The following PM20D2 variants were observed in gnomAD, a reference collection of about 807,000 sequenced individuals.
PM20D2 encodes the protein peptidase M20 domain containing 2.
Under a neutral mutation model 42.9 loss-of-function variants are expected in PM20D2, and 33 were observed. The observed-to-expected ratio is 0.77, with a 90% confidence interval of 0.58 to 1.03. PM20D2 has a LOEUF of 1.03. Among genes scored for constraint, PM20D2 ranks in the 50% least tolerant of loss-of-function variants. PM20D2 has a pLI of 0.00. For synonymous variants in PM20D2, 250 were observed against 228.2 expected (o/e 1.10, Z -0.86); for missense variants, 548 against 557.0 (o/e 0.98, Z 0.16).
the PM20D2 span, chr6:89,117,832 T>C: frequency 1.5e-5 from 24 of 1,557,820 alleles, no homozygotes; most frequent in Non-Finnish European, 2.0e-5. Context: ...CCTGGTGGCG[T>C]CCGCGACGTT....
In PM20D2 at chr6:89,146,432, C is replaced by T. The variant is rs925490777; in HGVS notation, c.288C>T (p.Ala96=). Residue 96 remains alanine, a synonymous_variant, in exon 1 of 7, where the codon GCC becomes GCT. Transcript: ENST00000275072. ...GCGCCGAGTGGGAGCCGCCGGAGGCCCGGGCACCGAGCGCCACGCCACGCC... is the reference window on the plus strand; with the variant it reads ...GCGCCGAGTGGGAGCCGCCGGAGGCTCGGGCACCGAGCGCCACGCCACGCC... ...AFRAEWEPPE[A]RAPSATPRPL... The T allele has an allele frequency of 2.0e-6, 3 of 1,524,108 alleles. No homozygotes were observed. Among genetic ancestry groups the T allele is most frequent in the Non-Finnish European group, 2.6e-6 (3 of 1,142,968 alleles). 94.4% of individuals were successfully genotyped at this position (1,524,108 alleles called of 1,614,324 possible).
chr6:89,152,972 T>G (rs1371087154), intron 2 of PM20D2, 71 bp from the exon 3 acceptor site: 1 of 1,321,324 alleles, frequency 7.6e-7, no homozygotes, highest in East Asian at 2.5e-5. Context: ...GTTGGGTAAT[T>G]CTGACTACCT....
the PM20D2 span, among the ~76,000 whole-genome samples, chr6:89,111,109 CTTT>C: frequency 1.7e-5 from 2 of 120,716 alleles, no homozygotes; most frequent in Non-Finnish European, 1.6e-5. Context: ...TGAGACTTGT[CTTT>C]TTTTTTTTTT....
the PM20D2 span, among the ~76,000 whole-genome samples, chr6:89,107,739 C>CA: frequency 6.0e-5 from 9 of 149,238 alleles, no homozygotes; most frequent in Non-Finnish European, 8.9e-5. Context: ...GACCCTGTCT[C>CA]AAAAAAAAAG....
In PM20D2 at chr6:89,162,174, G is replaced by A. The variant is rs769084743; in HGVS notation, c.1222G>A (p.Val408Ile). The A allele has an allele frequency of 6.9e-5, 112 of 1,614,110 alleles. No individual in the cohort carries two copies. The Middle Eastern group carries it at 2.1e-3, about 31-fold the overall frequency. ...AKALAMTALD[V>I]IFKPELLEGI... is the part of the protein sequence containing the mutation. ...AGCTCTGGCAATGACGGCACTGGAT[G>A]TTATTTTTAAACCAGAGTTACTGGA... is the stretch of plus-strand genomic sequence containing the variant. Residue 408 changes from valine to isoleucine, a missense_variant, in exon 7 of 7, where the codon GTT (valine) becomes ATT (isoleucine). Val to Ile is a conservative substitution (Grantham distance 29, BLOSUM62 3). Coordinates refer to ENST00000275072, the MANE Select transcript of PM20D2 (RefSeq NM_001010853.3).
At chr6:89,106,573 A>C in the PM20D2 span, 3 of 160,320 alleles carry the variant, frequency 1.9e-5, no homozygotes, top group Non-Finnish European at 2.8e-5. Flanking sequence ...GAAATTAGCT[A>C]TATAAAAATA....
At chr6:89,119,530 A>G in the PM20D2 span, among the ~76,000 whole-genome samples, 3 of 152,238 alleles carry the variant, frequency 2.0e-5, no homozygotes, top group African/African-American at 7.2e-5. Context: ...TCATAATACA[A>G]AAGCTTAGAA....
intron 4 of PM20D2, among the ~76,000 whole-genome samples, chr6:89,156,633 G>A (rs1771057751): frequency 6.6e-6 from 1 of 152,186 alleles, no homozygotes; most frequent in Non-Finnish European, 1.5e-5. Context: ...AGGATCAGAG[G>A]TGGGAAAGAG....
Position 89,154,879 on chromosome 6 carries a change from G to A in PM20D2, c.889G>A (p.Ala297Thr), listed in dbSNP as rs919779558. The change falls in exon 4 of 7, where the codon GCA (alanine) becomes ACA (threonine). Residue 297 changes from alanine (A) to threonine (T), a missense_variant. This residue lies in a region of PM20D2 where 470 missense variants were observed against 464.4 expected (regional missense o/e 1.01). Transcript: ENST00000275072. The stretch of plus-strand genomic sequence containing the variant: ...AAAGGCAGAAGATTGCTTCAGAGCT[G>A]CAGCTTTGGCTTCAGGGTGCACAGT... ...TKKAEDCFRA[A>T]ALASGCTVEI... 19 of 1,602,678 alleles carry A rather than the reference G, an allele frequency of 1.2e-5. No individual in the cohort carries two copies. The highest frequency in any genetic ancestry group is 1.6e-5 in the Non-Finnish European group (19 of 1,175,972).
chr6:89,161,140 T>G lies in PM20D2; in HGVS notation c.1049-643T>G, dbSNP rs554229263. ...ATTCTGAGATATTTGGCAGGTACTG[T>G]TGATAGGTGGAGTGGAGGTAGAAGA... On this transcript the variant is annotated intron_variant, in intron 5 of 6. Transcript: ENST00000275072. Among the ~76,000 whole-genome samples, 11 of 152,252 alleles carry G rather than the reference T, an allele frequency of 7.2e-5. No individual in the cohort carries two copies. The South Asian group carries it at 2.1e-3, about 29-fold the overall frequency.
rs1771310554 is a variant in PM20D2, at chr6:89,163,384, A to T, written c.*1121A>T. 1 of 152,218 alleles carries T rather than the reference A, an allele frequency of 6.6e-6. No individual in the cohort carries two copies. The highest frequency in any genetic ancestry group is 1.5e-5 in the Non-Finnish European group (1 of 68,046). 9.4% of individuals were successfully genotyped at this position (152,218 alleles called of 1,614,324 possible). A position where few individuals can be genotyped will look rare whatever the true frequency, so the allele number is the denominator to read the frequency against. On this transcript the variant is annotated 3_prime_UTR_variant, in exon 7 of 7. Coordinates refer to ENST00000275072, the MANE Select transcript of PM20D2 (RefSeq NM_001010853.3). ...CATAATAGAGACAGGGGCTCGCTGT[A>T]GCTTCCAGGCTGGCCTCAAACTCCT...
chr6:89,104,985 G>T, the PM20D2 span: 2 of 828,410 alleles, frequency 2.4e-6, no homozygotes, highest in African/African-American at 1.7e-5. Flanking sequence ...GAGTCTAGGA[G>T]GTCAAGTCTA....
the PM20D2 span, among the ~76,000 whole-genome samples, chr6:89,102,061 T>C: frequency 2.0e-5 from 3 of 151,784 alleles, no homozygotes; most frequent in Non-Finnish European, 2.9e-5. Flanking sequence ...TGATACTAGA[T>C]AGTAACATTG....
chr6:89,138,241 A>G, the PM20D2 span, among the ~76,000 whole-genome samples: 1 of 152,032 alleles, frequency 6.6e-6, no homozygotes. Context: ...TTTCAAAGCA[A>G]CATGATAGAA....
At chr6:89,109,928 A>G in the PM20D2 span, among the ~76,000 whole-genome samples, 1 of 152,070 alleles carries the variant, frequency 6.6e-6, no homozygotes, top group East Asian at 1.9e-4. Context: ...CATCTCTACT[A>G]AAAATACAAA....
At chr6:89,126,529 C>T in the PM20D2 span, among the ~76,000 whole-genome samples, 2 of 151,420 alleles carry the variant, frequency 1.3e-5, no homozygotes, top group Non-Finnish European at 2.9e-5. Flanking sequence ...ACTAAAAATA[C>T]AAAAATTAGC....
the PM20D2 span, among the ~76,000 whole-genome samples, chr6:89,116,534 G>A: frequency 6.6e-6 from 1 of 152,094 alleles, no homozygotes. Flanking sequence ...CAGCGCTTTG[G>A]GAGGCCGAGC....
Position 89,162,129 on chromosome 6 carries a change from T to A in PM20D2, c.1177T>A (p.Tyr393Asn), listed in dbSNP as rs143115350. 362 of 1,613,708 alleles carry A rather than the reference T, an allele frequency of 2.2e-4. 5 individuals are homozygous for A. In the South Asian group the frequency reaches 3.8e-3, roughly 17 times the overall value. The change falls in exon 7 of 7, where the codon TAC becomes AAC. Residue 393 changes from tyrosine to asparagine, a missense_variant. This residue lies in a region of PM20D2 where 71 missense variants were observed against 69.7 expected (regional missense o/e 1.02). Coordinates refer to ENST00000275072, the MANE Select transcript of PM20D2 (RefSeq NM_001010853.3). Reference protein sequence around the residue: ...EAAGSQEAQFYTLRTAKALAM... With the variant: ...EAAGSQEAQFNTLRTAKALAM... Reference sequence around the variant, plus strand: ...TTTAGGGTCACAGGAAGCTCAGTTCTACACTCTGCGGACGGCCAAAGCTCT... The same window carrying A: ...TTTAGGGTCACAGGAAGCTCAGTTCAACACTCTGCGGACGGCCAAAGCTCT...
chr6:89,117,799 C>T, the PM20D2 span: 2 of 1,544,076 alleles, frequency 1.3e-6, no homozygotes, highest in Non-Finnish European at 1.7e-6. Context: ...TCCGCGCCCC[C>T]AACCTGCAGC....
Sources: allele counts gnomAD v4.1 joint callset (sites outside exome capture counted in the v4.1 genomes callset), GRCh38; gene constraint gnomAD v4.1.1; regional missense constraint gnomAD v4.1.1; transcripts MANE v1.5; gene names NCBI Gene and HGNC (gene_info 2026-07-23, HGNC 2026-07-21).